PCDHAC2: variants seen among roughly 807,000 people sequenced by gnomAD.
The protein encoded by PCDHAC2 is protocadherin alpha-C2.
In PCDHAC2, 24 loss-of-function variants were observed where a neutral mutation model predicts 63.3. That is an observed-to-expected ratio of 0.38 (90% CI 0.27 to 0.53). The LOEUF is 0.53. Ranked by LOEUF, PCDHAC2 falls within the 20% of genes least tolerant of loss-of-function variation. The pLI, the probability that PCDHAC2 is intolerant of heterozygous loss-of-function variation, is 0.81. For missense variants in PCDHAC2, 1,181 were observed against 1,275.2 expected, an observed-to-expected ratio of 0.93 and a Z score of 1.12; for synonymous variants, 569 against 529.4, an observed-to-expected ratio of 1.07 and a Z score of -1.03.
chr5:140,971,771 T>C (rs1433692038), intron 1 of PCDHAC2, among the ~76,000 whole-genome samples: 1 of 152,192 alleles, frequency 6.6e-6, no homozygotes, highest in Non-Finnish European at 1.5e-5. Context: ...TCTTGAATAT[T>C]ATTCAAGATT....
chr5:141,002,917 T>C (rs572461368), intron 3 of PCDHAC2, among the ~76,000 whole-genome samples: 1 of 152,310 alleles, frequency 6.6e-6, no homozygotes, highest in East Asian at 1.9e-4. Context: ...ATCAGAAAAG[T>C]GAACACCCTC....
At chr5:141,000,993 C>A (rs1273666357) in intron 3 of PCDHAC2, among the ~76,000 whole-genome samples, 1 of 151,964 alleles carries the variant, frequency 6.6e-6, no homozygotes, top group Non-Finnish European at 1.5e-5. Context: ...AATAAATATG[C>A]TTTAAATATG....
intron 2 of PCDHAC2, among the ~76,000 whole-genome samples, chr5:140,981,839 A>T (rs950232298): frequency 6.6e-6 from 1 of 152,116 alleles, no homozygotes; most frequent in Non-Finnish European, 1.5e-5. Flanking sequence ...AAGGTCTCCC[A>T]GTTTGTATCT....
In PCDHAC2 at chr5:140,968,795, A is replaced by G; in HGVS notation, c.2029A>G (p.Thr677Ala). The G allele has an allele frequency of 1.2e-6, 2 of 1,614,210 alleles. No homozygotes were observed. Among genetic ancestry groups the G allele is most frequent in the Non-Finnish European group, 1.7e-6 (2 of 1,180,044 alleles). Residue 677 changes from threonine to alanine, a missense_variant, in exon 1 of 4, where the codon ACA (threonine) becomes GCA (alanine). Transcript: ENST00000289269. ...EPSLSASVAI[T>A]VAVVDRVSKI... Reference sequence around the variant, plus strand: ...ATCACTATCAGCCTCTGTGGCCATTACAGTAGCTGTGGTGGATAGGGTTTC... The same window carrying G: ...ATCACTATCAGCCTCTGTGGCCATTGCAGTAGCTGTGGTGGATAGGGTTTC...
At chr5:141,003,173 G>A (rs782452600) in intron 3 of PCDHAC2, among the ~76,000 whole-genome samples, 6 of 152,174 alleles carry the variant, frequency 3.9e-5, no homozygotes, top group Non-Finnish European at 5.9e-5. Context: ...AGTCCCTGAG[G>A]CTCAACTCCA....
rs1007708043 is a variant in PCDHAC2, at chr5:140,967,271, A to T, written c.505A>T (p.Ile169Leu). Residue 169 changes from isoleucine to leucine, a missense_variant, in exon 1 of 4, where the codon ATA (isoleucine) becomes TTA (leucine). Ile to Leu is a conservative substitution (Grantham distance 5, BLOSUM62 2). Transcript: ENST00000289269. ...GGTGGCGCCTGGAGCGCGCTTTCAC[A>T]TAGAGAGTGCGCAGGACCCCGACGT... ...ESVAPGARFH[I>L]ESAQDPDVGA... The T allele has an allele frequency of 6.2e-7, 1 of 1,613,338 alleles. No individual in the cohort carries two copies. Among genetic ancestry groups the T allele is most frequent in the African/African-American group, 1.3e-5 (1 of 74,944 alleles).
intron 1 of PCDHAC2, among the ~76,000 whole-genome samples, chr5:140,969,836 T>C (rs1349045341): frequency 6.6e-6 from 1 of 152,224 alleles, no homozygotes; most frequent in Non-Finnish European, 1.5e-5. Flanking sequence ...ACAGTGGAAA[T>C]TATCTAGTTA....
rs56843453 is a variant in PCDHAC2 at position 141,000,391 on chromosome 5, C to A, written c.2714-9236C>A. Reference sequence around the variant, plus strand: ...TCTCTCTCTCTCTCTCTCTCTCTCTCTCTCTATATATATATATATATATAT... The same window carrying A: ...TCTCTCTCTCTCTCTCTCTCTCTCTATCTCTATATATATATATATATATAT... On this transcript the variant is annotated intron_variant, in intron 3 of 3. Transcript: ENST00000289269. Among the ~76,000 whole-genome samples the A allele has an allele frequency of 8.6e-3, 487 of 56,544 alleles. 1 individual carries two copies. Among genetic ancestry groups the A allele is most frequent in the Non-Finnish European group, 9.4e-3 (310 of 32,842 alleles). The allele number at this position is 56,544 out of a possible 152,430, so 37.1% of individuals were successfully genotyped here.
At position 140,966,527 on chromosome 5, in the gene PCDHAC2, G is replaced by C. The variant is rs1328867902; in HGVS notation, c.-240G>C. 2 of 444,184 alleles carry C rather than the reference G, an allele frequency of 4.5e-6. No individual in the cohort carries two copies. The highest frequency in any genetic ancestry group is 7.8e-6 in the Non-Finnish European group (2 of 257,218). The allele number at this position is 444,184 out of a possible 1,614,324, so 27.5% of individuals were successfully genotyped here. ...GGCAGCAGCAGCAGGAAGCCGAGCCGGGTTGAGCGACTCGGAGGCGAGCGG... is the reference window on the plus strand; with the variant it reads ...GGCAGCAGCAGCAGGAAGCCGAGCCCGGTTGAGCGACTCGGAGGCGAGCGG... On this transcript the variant is annotated 5_prime_UTR_variant, in exon 1 of 4. Coordinates refer to ENST00000289269, the MANE Select transcript of PCDHAC2 (RefSeq NM_018899.6).
chr5:140,994,747 G>A (rs2097648455), intron 3 of PCDHAC2, among the ~76,000 whole-genome samples: 1 of 152,152 alleles, frequency 6.6e-6, no homozygotes, highest in Non-Finnish European at 1.5e-5. Context: ...ATGGCAAGTA[G>A]GATGTGGAGA....
chr5:140,977,163 AATG>A (rs1554238313), intron 1 of PCDHAC2, among the ~76,000 whole-genome samples: 2 of 152,198 alleles, frequency 1.3e-5, no homozygotes, highest in Non-Finnish European at 2.9e-5. Flanking sequence ...CTTTCAGCAA[AATG>A]AGTTTGATGA....
In PCDHAC2 at chr5:141,010,365, A is replaced by G; in HGVS notation, c.*428A>G. 6.8e-7 allele frequency: 1 copy of G among 1,480,028 alleles called. No individual in the cohort carries two copies. The highest frequency in any genetic ancestry group is 1.3e-5 in the South Asian group (1 of 75,134). The allele number at this position is 1,480,028 out of a possible 1,614,324, so 91.7% of individuals were successfully genotyped here. On this transcript the variant is annotated 3_prime_UTR_variant, in exon 4 of 4. Coordinates refer to ENST00000289269, the MANE Select transcript of PCDHAC2 (RefSeq NM_018899.6). Reference sequence around the variant, plus strand: ...CTGGGTATGTGTGGCTACCGCGGGTATGCGAGTGCCAGATATTGGCTGAGA... The same window carrying G: ...CTGGGTATGTGTGGCTACCGCGGGTGTGCGAGTGCCAGATATTGGCTGAGA...
chr5:140,990,304 A>C (rs114506238), intron 3 of PCDHAC2, among the ~76,000 whole-genome samples: 1 of 152,168 alleles, frequency 6.6e-6, no homozygotes, highest in African/African-American at 2.4e-5. Context: ...CATTGTCTGT[A>C]AAAAACCAAC....
Position 140,969,049 on chromosome 5 carries a change from C to A in PCDHAC2, c.2283C>A (p.Asn761Lys). The A allele has an allele frequency of 6.2e-7, 1 of 1,614,142 alleles. No homozygotes were observed. The highest frequency in any genetic ancestry group is 8.5e-7 in the Non-Finnish European group (1 of 1,180,000). ...CTGCAGAACTGTACAAACAAGCCAA[C>A]AACAATATTGATGCCAGGATACCGC... is the stretch of plus-strand genomic sequence containing the variant. Reference protein sequence around the residue: ...RSPAELYKQANNNIDARIPHG... With the variant: ...RSPAELYKQAKNNIDARIPHG... Residue 761 changes from asparagine to lysine, a missense_variant, in exon 1 of 4, where the codon AAC becomes AAA. By Grantham distance (94) the Asn-to-Lys change is moderately conservative. This residue lies in a region of PCDHAC2 where 968 missense variants were observed against 1,073.5 expected (regional missense o/e 0.90). Transcript: ENST00000289269.
Position 141,011,113 on chromosome 5 carries a change from GAAAC to G in PCDHAC2, c.*1179_*1182del, listed in dbSNP as rs1378492452. 6.5e-6 allele frequency: 1 copy of G among 153,504 alleles called. No homozygotes were observed. The highest frequency in any genetic ancestry group is 2.4e-5 in the African/African-American group (1 of 41,342). 9.5% of individuals were successfully genotyped at this position (153,504 alleles called of 1,614,324 possible). A position where few individuals can be genotyped will look rare whatever the true frequency, so the allele number is the denominator to read the frequency against. ...TTCTCTCTCTCTCTCTCTTTTCTAA[GAAAC>G]AATTATGTGCACTTTGATACACAAC... On this transcript the variant is annotated 3_prime_UTR_variant, in exon 4 of 4. Coordinates refer to ENST00000289269, the MANE Select transcript of PCDHAC2 (RefSeq NM_018899.6).
intron 3 of PCDHAC2, 149 bp downstream of exon 3, chr5:140,982,712 T>C: frequency 7.3e-7 from 1 of 1,373,964 alleles, no homozygotes; most frequent in Non-Finnish European, 9.6e-7. Context: ...TCCTTACATA[T>C]ATGATTATTT....
intron 3 of PCDHAC2, among the ~76,000 whole-genome samples, chr5:140,999,519 G>A (rs1303009823): frequency 6.6e-6 from 1 of 152,074 alleles, no homozygotes; most frequent in Non-Finnish European, 1.5e-5. Context: ...TAAGCATTTT[G>A]TTACCCCCTG....
chr5:140,973,073 C>T (rs1372527958), intron 1 of PCDHAC2, among the ~76,000 whole-genome samples: 1 of 151,988 alleles, frequency 6.6e-6, no homozygotes, highest in Non-Finnish European at 1.5e-5. Context: ...TCTCAGTGGG[C>T]CCAGCTGGCA....
chr5:141,010,260 C>T lies in PCDHAC2; in HGVS notation c.*323C>T, dbSNP rs906685521. The stretch of plus-strand genomic sequence containing the variant: ...GAGAGGTTGGACTCTCTGCCCTGTG[C>T]TCCGGGGATCCTGTCTTGATGACAC... On this transcript the variant is annotated 3_prime_UTR_variant, in exon 4 of 4. Transcript: ENST00000289269. 6.4e-7 allele frequency: 1 copy of T among 1,551,674 alleles called. No individual in the cohort carries two copies. The highest frequency in any genetic ancestry group is 1.4e-5 in the African/African-American group (1 of 73,028).
Sources: gnomAD v4.1 joint callset for allele counts (sites outside exome capture counted in the v4.1 genomes callset) on GRCh38, gnomAD v4.1.1 for gene constraint, gnomAD v4.1.1 regional missense constraint, MANE v1.5 for transcripts, NCBI Gene and HGNC (gene_info 2026-07-23, HGNC 2026-07-21) for gene names.